Variants in PHLDB2 observed in about 807,000 individuals in gnomAD.
PHLDB2 encodes the protein pleckstrin homology like domain family B member 2, also known as pleckstrin homology-like domain family B member 2.
PHLDB2 carries 71 observed loss-of-function variants against 123.6 expected under a neutral mutation model. The ratio of observed to expected loss-of-function variants is 0.57; its 90% CI spans 0.47 to 0.70. The LOEUF (loss-of-function observed/expected upper bound fraction) is 0.70. Ranked by LOEUF, PHLDB2 falls within the 30% of genes least tolerant of loss-of-function variation. PHLDB2 has a pLI of 0.00. For missense variants in PHLDB2, 1,446 were observed against 1,519.5 expected (o/e 0.95, Z 0.80); for synonymous variants, 547 against 541.6 (o/e 1.01, Z -0.14).
chr3:111,969,932 G>A, intron 16 of PHLDB2, 23 bp downstream of exon 16: 3 of 1,606,354 alleles, frequency 1.9e-6, no homozygotes, highest in Middle Eastern at 1.7e-4. Flanking sequence ...AACAATTTAA[G>A]CCATATACTC....
At chr3:111,816,420 C>T (rs1268118520) in intron 1 of PHLDB2, among the ~76,000 whole-genome samples, 2 of 152,212 alleles carry the variant, frequency 1.3e-5, no homozygotes, top group African/African-American at 4.8e-5. Context: ...TGGGAACCTA[C>T]CTCTTGCATC....
chr3:111,909,124 G>A (rs1542862), intron 2 of PHLDB2, among the ~76,000 whole-genome samples: 3,055 of 152,202 alleles, frequency 0.02, 105 homozygotes, highest in African/African-American at 0.068. Context: ...TTATGGAAAT[G>A]CCCTGCCCAC....
intron 1 of PHLDB2, among the ~76,000 whole-genome samples, chr3:111,797,329 T>C (rs2061201027): frequency 6.6e-6 from 1 of 152,008 alleles, no homozygotes; most frequent in South Asian, 2.1e-4. Context: ...CTTTGAATGG[T>C]TTAAGTTCTA....
intron 1 of PHLDB2, among the ~76,000 whole-genome samples, chr3:111,817,314 A>G (rs1209333508): frequency 2.0e-5 from 3 of 152,206 alleles, no homozygotes; most frequent in Admixed American, 1.3e-4. Context: ...AACAAACAGT[A>G]TCCAAACCAC....
At chr3:111,948,609 G>C (rs2070479273) in intron 9 of PHLDB2, among the ~76,000 whole-genome samples, 1 of 152,120 alleles carries the variant, frequency 6.6e-6, no homozygotes. Context: ...AAATGTATAT[G>C]TTGTTGACAA....
At chr3:111,808,998 T>C (rs1298168917) in intron 1 of PHLDB2, among the ~76,000 whole-genome samples, 2 of 152,362 alleles carry the variant, frequency 1.3e-5, no homozygotes, top group Admixed American at 6.5e-5. Flanking sequence ...CTTTGACTAG[T>C]ATATTTATTT....
At chr3:111,781,997 C>A (rs1379452898) in intron 1 of PHLDB2, among the ~76,000 whole-genome samples, 1 of 151,976 alleles carries the variant, frequency 6.6e-6, no homozygotes, top group African/African-American at 2.4e-5. Flanking sequence ...TTTGGTCAAG[C>A]AAGGAAAGAA....
intron 1 of PHLDB2, among the ~76,000 whole-genome samples, chr3:111,822,982 T>C (rs1481217827): frequency 6.6e-6 from 1 of 152,264 alleles, no homozygotes; most frequent in African/African-American, 2.4e-5. Flanking sequence ...TTGGAGGCAC[T>C]AGGCAACATG....
intron 2 of PHLDB2, among the ~76,000 whole-genome samples, chr3:111,897,328 C>T (rs1246476778): frequency 6.6e-6 from 1 of 152,158 alleles, no homozygotes; most frequent in Non-Finnish European, 1.5e-5. Flanking sequence ...TTCGTTGGGT[C>T]CCCAGTCTGC....
intron 1 of PHLDB2, among the ~76,000 whole-genome samples, chr3:111,839,649 C>T (rs1439589012): frequency 1.3e-5 from 2 of 151,796 alleles, no homozygotes; most frequent in Non-Finnish European, 2.9e-5. Context: ...TCCTGTGAAT[C>T]GATTTTTTTC....
intron 1 of PHLDB2, among the ~76,000 whole-genome samples, chr3:111,800,609 T>A (rs913010491): frequency 2.0e-5 from 3 of 152,212 alleles, no homozygotes; most frequent in African/African-American, 7.2e-5. Flanking sequence ...TTTTCCCATC[T>A]CTAATAATGT....
intron 1 of PHLDB2, among the ~76,000 whole-genome samples, chr3:111,751,320 T>C (rs1224888043): frequency 6.6e-6 from 1 of 152,104 alleles, no homozygotes; most frequent in Non-Finnish European, 1.5e-5. Flanking sequence ...AAGAAATATC[T>C]TGCACTGACT....
intron 2 of PHLDB2, among the ~76,000 whole-genome samples, chr3:111,893,099 C>CG: frequency 6.6e-6 from 1 of 152,014 alleles, no homozygotes; most frequent in African/African-American, 2.4e-5. Flanking sequence ...TGACCACCCC[C>CG]CCAAAATAAG....
intron 1 of PHLDB2, among the ~76,000 whole-genome samples, chr3:111,818,892 T>A (rs1054270917): frequency 6.6e-6 from 1 of 152,112 alleles, no homozygotes; most frequent in Non-Finnish European, 1.5e-5. Flanking sequence ...TCCCTTCCAA[T>A]GCACCTTCCA....
intron 12 of PHLDB2, 121 bp from the exon 13 acceptor site, chr3:111,961,987 T>C: frequency 1.1e-6 from 1 of 923,468 alleles, no homozygotes; most frequent in Non-Finnish European, 1.6e-6. Flanking sequence ...TCAAAACAAA[T>C]TAGACCAAGG....
At chr3:111,904,269 C>G (rs1442037709) in intron 2 of PHLDB2, among the ~76,000 whole-genome samples, 2 of 4,668 alleles carry the variant, frequency 4.3e-4, no homozygotes, top group Non-Finnish European at 6.4e-4. Flanking sequence ...CAGAGTGAGA[C>G]CCTGTCTCAA....
At chr3:111,836,551 G>T (rs2108523198) in intron 1 of PHLDB2, among the ~76,000 whole-genome samples, 1 of 152,266 alleles carries the variant, frequency 6.6e-6, no homozygotes, top group South Asian at 2.1e-4. Flanking sequence ...ATGAACAAGG[G>T]AAGCTTTGGC....
At chr3:111,827,424 C>T (rs911869330) in intron 1 of PHLDB2, among the ~76,000 whole-genome samples, 36 of 152,110 alleles carry the variant, frequency 2.4e-4, no homozygotes, top group Admixed American at 2.2e-3. Context: ...GCCTGTAATC[C>T]CAGCACTTTG....
intron 6 of PHLDB2, among the ~76,000 whole-genome samples, chr3:111,936,015 T>C (rs1213167499): frequency 6.6e-6 from 1 of 152,208 alleles, no homozygotes; most frequent in African/African-American, 2.4e-5. Flanking sequence ...AGTGTAAAAG[T>C]TAACAAAACC....
Sources: allele counts gnomAD v4.1 joint callset (sites outside exome capture counted in the v4.1 genomes callset), GRCh38; gene constraint gnomAD v4.1.1; transcripts MANE v1.5; gene names NCBI Gene and HGNC (gene_info 2026-07-23, HGNC 2026-07-21).